The following DPF3 variants were observed in gnomAD, a reference collection of about 807,000 sequenced individuals.
DPF3 encodes the protein zinc finger protein DPF3.
A neutral mutation model predicts 56.8 loss-of-function variants in DPF3; 18 were observed. That is an observed-to-expected ratio of 0.32 (90% CI 0.22 to 0.47). DPF3 has a LOEUF of 0.47. Ranked by LOEUF, DPF3 falls within the 20% of genes least tolerant of loss-of-function variation. DPF3 has a pLI of 1.00. For missense variants in DPF3, 403 were observed against 488.8 expected, an observed-to-expected ratio of 0.82 and a Z score of 1.65; for synonymous variants, 188 against 180.2, an observed-to-expected ratio of 1.04 and a Z score of -0.35.
intron 1 of DPF3, among the ~76,000 whole-genome samples, chr14:72,853,849 C>T (rs1885079139): frequency 1.3e-5 from 2 of 152,116 alleles, no homozygotes; most frequent in Admixed American, 6.5e-5. Flanking sequence ...CAATGTACCA[C>T]GTCAAGAAAG....
chr14:72,821,212 A>T (rs1011456743), intron 1 of DPF3, among the ~76,000 whole-genome samples: 3 of 151,804 alleles, frequency 2.0e-5, no homozygotes, highest in Non-Finnish European at 4.4e-5. Context: ...AGAGCCTGGG[A>T]GGCAGAGTCT....
Position 72,629,729 on chromosome 14 carries a change from T to A in DPF3, c.879A>T (p.Pro293=). 1 of 1,536,026 alleles carries A rather than the reference T, an allele frequency of 6.5e-7. No individual in the cohort carries two copies. Among genetic ancestry groups the A allele is most frequent in the East Asian group, 2.4e-5 (1 of 40,908 alleles). ...SCADCGRSGH[P]TCLQFTLNMT... ...TGTTCAGGGTAAACTGCAGGCAGGT[T>A]GGGTGACCTGGAGGAAGCCAGAAAC... Residue 293 remains proline, a synonymous_variant, in exon 9 of 11, where the codon CCA becomes CCT. Coordinates refer to ENST00000556509, the MANE Select transcript of DPF3 (RefSeq NM_001280542.3).
intron 4 of DPF3, among the ~76,000 whole-genome samples, chr14:72,725,368 A>G (rs1364133901): frequency 2.0e-5 from 3 of 152,118 alleles, no homozygotes; most frequent in Non-Finnish European, 4.4e-5. Flanking sequence ...CTACATGAGA[A>G]CATGAGCTGA....
intron 1 of DPF3, among the ~76,000 whole-genome samples, chr14:72,886,536 AC>A (rs1422296091): frequency 6.6e-6 from 1 of 152,204 alleles, no homozygotes; most frequent in East Asian, 1.9e-4. Flanking sequence ...ACTGAAATGC[AC>A]ACTTTAAAAT....
At chr14:72,632,785 G>GT (rs1885244383) in intron 8 of DPF3, among the ~76,000 whole-genome samples, 1 of 126,010 alleles carries the variant, frequency 7.9e-6, no homozygotes, top group Non-Finnish European at 1.7e-5. Flanking sequence ...AGGGGAAGGG[G>GT]ATGGGAAGGA....
At chr14:72,674,621 T>G (rs1886830870) in intron 7 of DPF3, among the ~76,000 whole-genome samples, 1 of 152,196 alleles carries the variant, frequency 6.6e-6, no homozygotes, top group African/African-American at 2.4e-5. Context: ...ATCACCCTGC[T>G]CCTCTGATTG....
At chr14:72,621,869 A>C (rs142520180) in intron 9 of DPF3, among the ~76,000 whole-genome samples, 2,754 of 152,294 alleles carry the variant, frequency 0.018, 34 homozygotes, top group Non-Finnish European at 0.027. Context: ...TGATACAGCC[A>C]CCCAATGGGA....
intron 1 of DPF3, among the ~76,000 whole-genome samples, chr14:72,866,322 A>G (rs1186744331): frequency 7.2e-6 from 1 of 138,228 alleles, no homozygotes; most frequent in East Asian, 1.9e-4. Context: ...CCAAACCTTA[A>G]GTAACTCCCC....
chr14:72,688,796 C>T (rs766288564), intron 7 of DPF3, among the ~76,000 whole-genome samples: 1 of 152,088 alleles, frequency 6.6e-6, no homozygotes, highest in African/African-American at 2.4e-5. Flanking sequence ...AAATGGAGGC[C>T]GAAGAGGCAC....
intron 1 of DPF3, among the ~76,000 whole-genome samples, chr14:72,842,710 T>C (rs1305421480): frequency 6.6e-6 from 1 of 152,152 alleles, no homozygotes. Flanking sequence ...ACTTAAGAAA[T>C]TAGCCAATGA....
At chr14:72,724,699 G>A (rs547210031) in intron 4 of DPF3, among the ~76,000 whole-genome samples, 3 of 131,958 alleles carry the variant, frequency 2.3e-5, no homozygotes, top group East Asian at 2.2e-4. Context: ...GGGCCCAGAG[G>A]GGTTTTTGTT....
At chr14:72,754,768 T>A (rs2139904828) in intron 2 of DPF3, among the ~76,000 whole-genome samples, 1 of 152,286 alleles carries the variant, frequency 6.6e-6, no homozygotes, top group Non-Finnish European at 1.5e-5. Context: ...TTTTTACCAG[T>A]CAACTCTACC....
chr14:72,708,256 G>C (rs926405947), intron 6 of DPF3, among the ~76,000 whole-genome samples: 3 of 152,212 alleles, frequency 2.0e-5, no homozygotes, highest in African/African-American at 7.2e-5. Context: ...CCTCTGGCCA[G>C]TCCTGCCGGA....
chr14:72,619,301 G>T lies in DPF3; in HGVS notation c.1133C>A (p.Ala378Asp), dbSNP rs1361618469. The change falls in exon 11 of 11, where the codon GCC becomes GAC. Residue 378 changes from alanine (A) to aspartate (D), a missense_variant. Transcript: ENST00000556509. The stretch of plus-strand genomic sequence containing the variant: ...CACATTCTGTGACCTGGGGCCCTAG[G>T]CCTGGCAGCCAAAGGCTGAGGCTTT... The part of the protein sequence containing the change: ...KEKASAFGCQ[A>D] 1.3e-5 allele frequency: 20 copies of T among 1,535,964 alleles called. No homozygotes were observed. Among genetic ancestry groups the T allele is most frequent in the Non-Finnish European group, 1.6e-5 (18 of 1,146,894 alleles).
intron 1 of DPF3, among the ~76,000 whole-genome samples, chr14:72,872,123 C>T (rs1599513449): frequency 6.6e-6 from 1 of 152,312 alleles, no homozygotes; most frequent in East Asian, 1.9e-4. Flanking sequence ...ACAGCCCGAG[C>T]TATATGTTGG....
chr14:72,661,628 C>T, intron 8 of DPF3: 2 of 985,506 alleles, frequency 2.0e-6, no homozygotes, highest in African/African-American at 1.7e-5. Flanking sequence ...CTTCCGCCAG[C>T]TCAGCCAGAA....
At chr14:72,859,101 G>T (rs1479627464) in intron 1 of DPF3, among the ~76,000 whole-genome samples, 1 of 152,060 alleles carries the variant, frequency 6.6e-6, no homozygotes, top group Non-Finnish European at 1.5e-5. Flanking sequence ...ATTTTTTGCA[G>T]ATACATACTG....
chr14:72,645,295 A>ATT (rs202051547), intron 8 of DPF3, among the ~76,000 whole-genome samples: 1,815 of 142,722 alleles, frequency 0.013, 48 homozygotes, highest in African/African-American at 0.045. Flanking sequence ...CTAAGAAGGG[A>ATT]TTTTTTTTTT....
chr14:72,714,633 G>A (rs1888826258), intron 5 of DPF3, 132 bp from the exon 6 acceptor site: 4 of 931,064 alleles, frequency 4.3e-6, no homozygotes, highest in Non-Finnish European at 4.8e-6. Flanking sequence ...TCTTACAGGG[G>A]AGGAAACTGA....
Sources: allele counts gnomAD v4.1 joint callset (sites outside exome capture counted in the v4.1 genomes callset), GRCh38; gene constraint gnomAD v4.1.1; transcripts MANE v1.5; gene names NCBI Gene and HGNC (gene_info 2026-07-23, HGNC 2026-07-21).